The following BTBD9 variants were observed in gnomAD, a reference collection of about 807,000 sequenced individuals.
BTBD9 encodes the protein BTB domain containing 9, also known as BTB/POZ domain-containing protein 9.
BTBD9 carries 49 observed loss-of-function variants against 64.3 expected under a neutral mutation model. The observed-to-expected ratio is 0.76, with a 90% CI of 0.61 to 0.97. The LOEUF (loss-of-function observed/expected upper bound fraction) is 0.97. Ranked by LOEUF, BTBD9 falls within the 50% of genes least tolerant of loss-of-function variation. The probability of loss-of-function intolerance (pLI) is 0.00; values close to 1 mark genes in which losing one functional copy is unlikely to be tolerated. For synonymous variants in BTBD9, 260 were observed against 274.7 expected (o/e 0.95, Z 0.53); for missense variants, 598 against 762.1 (o/e 0.78, Z 2.53).
intron 6 of BTBD9, among the ~76,000 whole-genome samples, chr6:38,363,617 A>G (rs1321171968): frequency 6.6e-6 from 1 of 152,200 alleles, no homozygotes; most frequent in Non-Finnish European, 1.5e-5. Flanking sequence ...CTTGCATGTA[A>G]TACACTCCAA....
At chr6:38,577,551 A>G (rs1296250122) in intron 6 of BTBD9, 49 bp downstream of exon 6, 1 of 1,547,498 alleles carries the variant, frequency 6.5e-7, no homozygotes, top group Non-Finnish European at 8.7e-7. Context: ...CCAAGTCCAA[A>G]TCTCCTTATA....
intron 7 of BTBD9, among the ~76,000 whole-genome samples, chr6:38,296,500 AT>A (rs1209221442): frequency 5.9e-5 from 9 of 151,738 alleles, no homozygotes; most frequent in Admixed American, 3.3e-4. Flanking sequence ...GATTTATTCT[AT>A]TTTTTTCCTA....
At chr6:38,217,596 G>A (rs903189192) in intron 9 of BTBD9, among the ~76,000 whole-genome samples, 29 of 152,144 alleles carry the variant, frequency 1.9e-4, no homozygotes, top group Non-Finnish European at 4.1e-4. Flanking sequence ...ACTAGGGTGG[G>A]AGAGGGGCTG....
intron 7 of BTBD9, among the ~76,000 whole-genome samples, chr6:38,294,866 G>C (rs1238072715): frequency 1.3e-5 from 2 of 149,214 alleles, no homozygotes; most frequent in African/African-American, 4.9e-5. Flanking sequence ...TCAACTAATT[G>C]CTCCACATCC....
intron 6 of BTBD9, among the ~76,000 whole-genome samples, chr6:38,363,145 G>A (rs561092892): frequency 1.2e-4 from 19 of 152,258 alleles, no homozygotes; most frequent in African/African-American, 4.3e-4. Flanking sequence ...CTGGAGTACA[G>A]TGGTGTGATC....
At chr6:38,473,895 T>A (rs1741561413) in intron 6 of BTBD9, among the ~76,000 whole-genome samples, 1 of 152,138 alleles carries the variant, frequency 6.6e-6, no homozygotes. Flanking sequence ...GTATAACATA[T>A]AAGTAAGCTA....
chr6:38,176,183 C>T (rs1030323214), intron 10 of BTBD9, among the ~76,000 whole-genome samples: 3 of 152,182 alleles, frequency 2.0e-5, no homozygotes. Context: ...TGGGGGCTGT[C>T]GTTGCCACTG....
At chr6:38,487,387 C>T (rs1209469157) in intron 6 of BTBD9, among the ~76,000 whole-genome samples, 1 of 152,092 alleles carries the variant, frequency 6.6e-6, no homozygotes, top group African/African-American at 2.4e-5. Context: ...TCAAGACAAG[C>T]TTGAGCAATG....
chr6:38,405,376 A>G (rs767272531), intron 6 of BTBD9, among the ~76,000 whole-genome samples: 1 of 152,216 alleles, frequency 6.6e-6, no homozygotes, highest in African/African-American at 2.4e-5. Context: ...CATAGAGAGT[A>G]ATGATTCCTG....
At position 38,395,548 on chromosome 6, in the gene BTBD9, C is replaced by T. The variant is rs183322733; in HGVS notation, c.1155-50455G>A. Among the ~76,000 whole-genome samples the T allele has an allele frequency of 1.7e-3, 258 of 152,298 alleles. 1 individual carries two copies. Among genetic ancestry groups the T allele is most frequent in the African/African-American group, 6.1e-3 (253 of 41,570 alleles). The stretch of plus-strand genomic sequence containing the variant: ...GGCACCTTGATCTTGGACTTCTCAG[C>T]CTCCAGAACTGTGAGAAATAAATTT... On this transcript the variant is annotated intron_variant, in intron 6 of 10. Transcript: ENST00000481247.
intron 10 of BTBD9, among the ~76,000 whole-genome samples, chr6:38,176,892 G>T (rs1270621304): frequency 1.3e-5 from 2 of 152,178 alleles, no homozygotes; most frequent in African/African-American, 4.8e-5. Flanking sequence ...GATAGGTGAG[G>T]TCAGGCTCTG....
chr6:38,355,959 T>C (rs1230735886), intron 6 of BTBD9, among the ~76,000 whole-genome samples: 4 of 152,232 alleles, frequency 2.6e-5, no homozygotes, highest in African/African-American at 9.6e-5. Context: ...GTTGTTTGGC[T>C]GGGTACAGAA....
At chr6:38,611,467 A>G (rs1348915766) in intron 1 of BTBD9, among the ~76,000 whole-genome samples, 1 of 152,146 alleles carries the variant, frequency 6.6e-6, no homozygotes, top group East Asian at 1.9e-4. Flanking sequence ...AACATAGATG[A>G]CCTCCTACTT....
chr6:38,183,580 C>T (rs560851097), intron 10 of BTBD9, among the ~76,000 whole-genome samples: 98 of 152,348 alleles, frequency 6.4e-4, no homozygotes, highest in Non-Finnish European at 1.1e-3. Flanking sequence ...ACACCCCTTT[C>T]TTCTTAGCCT....
chr6:38,585,008 AG>A lies in BTBD9; in HGVS notation c.815-4572del, dbSNP rs547872386. Reference sequence around the variant, plus strand: ...TTGAATTCACTTGGTAATTTAGGCAAGTTACATAGATCACAGAGCTGAAAGG... The same window carrying A: ...TTGAATTCACTTGGTAATTTAGGCAATTACATAGATCACAGAGCTGAAAGG... On this transcript the variant is annotated intron_variant, in intron 4 of 10. Transcript: ENST00000481247. Among the ~76,000 whole-genome samples, 598 of 152,146 alleles carry A rather than the reference AG, an allele frequency of 3.9e-3. 5 individuals carry two copies. Among genetic ancestry groups the A allele is most frequent in the Non-Finnish European group, 5.6e-3 (384 of 67,992 alleles).
intron 4 of BTBD9, among the ~76,000 whole-genome samples, chr6:38,583,250 C>A (rs925931627): frequency 1.3e-5 from 2 of 152,190 alleles, no homozygotes; most frequent in African/African-American, 4.8e-5. Context: ...ATAATCCCAG[C>A]AGTCTGAGAG....
chr6:38,241,700 A>C (rs758184754), intron 9 of BTBD9, among the ~76,000 whole-genome samples: 4 of 152,356 alleles, frequency 2.6e-5, no homozygotes, highest in Non-Finnish European at 5.9e-5. Flanking sequence ...CACCACGGTG[A>C]AATTCACTTA....
chr6:38,580,767 T>G (rs1054914484), intron 4 of BTBD9, among the ~76,000 whole-genome samples: 5 of 152,138 alleles, frequency 3.3e-5, no homozygotes, highest in African/African-American at 1.2e-4. Context: ...AGAGTTTAAA[T>G]GTAATATTAG....
At chr6:38,211,548 G>C (rs1173828580) in intron 9 of BTBD9, among the ~76,000 whole-genome samples, 5 of 152,028 alleles carry the variant, frequency 3.3e-5, no homozygotes, top group Non-Finnish European at 1.5e-5. Context: ...TTCAAGACCA[G>C]CCTGGCCAAC....
Sources: gnomAD v4.1 joint callset for allele counts (sites outside exome capture counted in the v4.1 genomes callset) on GRCh38, gnomAD v4.1.1 for gene constraint, MANE v1.5 for transcripts, NCBI Gene and HGNC (gene_info 2026-07-23, HGNC 2026-07-21) for gene names.